The following PSMG4 variants were observed in gnomAD, a reference collection of about 807,000 sequenced individuals.
PSMG4 encodes the protein proteasome assembly chaperone 4.
A neutral mutation model predicts 11.0 loss-of-function variants in PSMG4; 10 were observed. The ratio of observed to expected loss-of-function variants is 0.91; its 90% CI spans 0.56 to 1.54. The LOEUF (loss-of-function observed/expected upper bound fraction) is 1.54, where lower values mean the gene tolerates loss of function less well. Ranked by LOEUF, PSMG4 falls within the 40% of genes most tolerant of loss-of-function variation. The pLI is 0.00. For synonymous variants in PSMG4, 95 were observed against 71.3 expected (o/e 1.33, Z -1.68); for missense variants, 198 against 160.9 (o/e 1.23, Z -1.25).
At chr6:3,255,394 A>T (rs189154381), upstream of PSMG4, among the ~76,000 whole-genome samples, 10 of 152,198 alleles carry the variant, frequency 6.6e-5, no homozygotes, top group South Asian at 1.2e-3. Context: ...GAGTGATAAC[A>T]TGACAAGGAT....
intron 2 of PSMG4, chr6:3,264,655 A>G (rs989024194): frequency 2.4e-5 from 5 of 212,682 alleles, no homozygotes; most frequent in African/African-American, 4.5e-5. Flanking sequence ...AACTCGCAGT[A>G]TTCTTTTTCC....
chr6:3,257,123 C>T (rs1215889274), upstream of PSMG4, among the ~76,000 whole-genome samples: 1 of 152,210 alleles, frequency 6.6e-6, no homozygotes, highest in Non-Finnish European at 1.5e-5. Flanking sequence ...CTGGGAAAAT[C>T]TGGCTTTGTC....
chr6:3,259,392 G>GGCCCCTCTCCTTGTCCCGCC (rs1356499770), intron 1 of PSMG4, among the ~76,000 whole-genome samples, 196 bp downstream of exon 1: 2 of 152,206 alleles, frequency 1.3e-5, no homozygotes, highest in African/African-American at 2.4e-5. Context: ...GCGGGCCCCG[G>GGCCCCTCTCCTTGTCCCGCC]GCCCCTCTCC....
chr6:3,256,767 G>A (rs1757780900), upstream of PSMG4, among the ~76,000 whole-genome samples: 1 of 152,234 alleles, frequency 6.6e-6, no homozygotes, highest in African/African-American at 2.4e-5. Flanking sequence ...CTGCACTGGG[G>A]CAAACTGGCC....
upstream of PSMG4, chr6:3,254,939 G>T: frequency 1.7e-6 from 2 of 1,204,406 alleles, no homozygotes; most frequent in East Asian, 2.6e-5. Context: ...CTCTCACTGG[G>T]TGTCAGCTGT....
chr6:3,266,214 C>G (rs1758176330), intron 2 of PSMG4: 1 of 151,910 alleles, frequency 6.6e-6, no homozygotes, highest in South Asian at 2.1e-4. Flanking sequence ...CCTGGGCCTG[C>G]GCCTGCACCT....
upstream of PSMG4, among the ~76,000 whole-genome samples, chr6:3,255,689 C>T (rs921818211): frequency 6.6e-6 from 1 of 152,204 alleles, no homozygotes; most frequent in Admixed American, 6.5e-5. Context: ...GAGATCCCTC[C>T]TATGGCCAAA....
At chr6:3,256,817 G>A (rs1026541276), upstream of PSMG4, among the ~76,000 whole-genome samples, 1 of 152,228 alleles carries the variant, frequency 6.6e-6, no homozygotes, top group African/African-American at 2.4e-5. Flanking sequence ...TTGTATGTGG[G>A]CTGCCACGGG....
At chr6:3,254,615 C>T (rs115993805), upstream of PSMG4, among the ~76,000 whole-genome samples, 353 of 152,220 alleles carry the variant, frequency 2.3e-3, 2 homozygotes, top group African/African-American at 3.5e-3. Flanking sequence ...GTAGGCGTAG[C>T]TTTAAGAGGT....
upstream of PSMG4, among the ~76,000 whole-genome samples, chr6:3,257,372 T>TG (rs550098716): frequency 1.8e-4 from 27 of 152,294 alleles, no homozygotes; most frequent in African/African-American, 6.0e-4. Flanking sequence ...TTTTGAGACA[T>TG]GTATAACCAG....
Position 3,267,940 on chromosome 6 carries a change from A to C in PSMG4, c.*228A>C, listed in dbSNP as rs910220543. ...TTCCTCATTTGGCTGTGAGTGATAG[A>C]GGGATGAAATGGGATTTTTGTTGGG... On this transcript the variant is annotated 3_prime_UTR_variant, in exon 3 of 3. Transcript: ENST00000438998. The C allele has an allele frequency of 5.1e-6, 2 of 395,288 alleles. No individual in the cohort carries two copies. The highest frequency in any genetic ancestry group is 4.0e-5 in the African/African-American group (2 of 49,846). The allele number at this position is 395,288 out of a possible 1,614,324, so 24.5% of individuals were successfully genotyped here.
chr6:3,254,853 C>T (rs1259633242), upstream of PSMG4, among the ~76,000 whole-genome samples: 1 of 152,186 alleles, frequency 6.6e-6, no homozygotes, highest in East Asian at 1.9e-4. Context: ...CACTTTAACT[C>T]AGGGTGAACA....
intron 1 of PSMG4, among the ~76,000 whole-genome samples, chr6:3,263,383 C>T (rs1758064382): frequency 6.6e-6 from 1 of 152,260 alleles, no homozygotes; most frequent in African/African-American, 2.4e-5. Flanking sequence ...TGGTGTTGCC[C>T]TTCAGCATGC....
upstream of PSMG4, among the ~76,000 whole-genome samples, chr6:3,255,575 G>C (rs1381533615): frequency 2.6e-5 from 4 of 152,158 alleles, no homozygotes; most frequent in African/African-American, 9.7e-5. Context: ...TACATGAGAT[G>C]GTTACCCAGA....
upstream of PSMG4, among the ~76,000 whole-genome samples, chr6:3,257,136 C>G (rs1379931712): frequency 6.6e-6 from 1 of 152,112 alleles, no homozygotes; most frequent in Admixed American, 6.5e-5. Flanking sequence ...GCTTTGTCAC[C>G]TCTATTTTCT....
intron 1 of PSMG4, among the ~76,000 whole-genome samples, chr6:3,261,918 G>A (rs1183737153): frequency 6.6e-6 from 1 of 152,216 alleles, no homozygotes; most frequent in Non-Finnish European, 1.5e-5. Flanking sequence ...GTCCCTCTCA[G>A]GAATTTTGCC....
chr6:3,256,870 A>G (rs2127253852), upstream of PSMG4, among the ~76,000 whole-genome samples: 1 of 152,204 alleles, frequency 6.6e-6, no homozygotes, highest in Non-Finnish European at 1.5e-5. Context: ...AGAAGGTAGG[A>G]TTTGTAGCAG....
At chr6:3,258,814 C>A (rs900229895), upstream of PSMG4, 9 of 404,436 alleles carry the variant, frequency 2.2e-5, no homozygotes, top group Non-Finnish European at 3.4e-5. Flanking sequence ...ACAGCTACTC[C>A]GCCCAGGGCC....
chr6:3,258,028 T>C (rs895746328), upstream of PSMG4, among the ~76,000 whole-genome samples: 1 of 152,104 alleles, frequency 6.6e-6, no homozygotes, highest in Non-Finnish European at 1.5e-5. Flanking sequence ...TAGTTCCAAG[T>C]TAAATCTCTA....
Sources: gnomAD v4.1 joint callset for allele counts (sites outside exome capture counted in the v4.1 genomes callset) on GRCh38, gnomAD v4.1.1 for gene constraint, MANE v1.5 for transcripts, NCBI Gene and HGNC (gene_info 2026-07-23, HGNC 2026-07-21) for gene names.